PGM5: variants seen among roughly 807,000 people sequenced by gnomAD.
PGM5 encodes the protein phosphoglucomutase 5.
PGM5 carries 23 observed loss-of-function variants against 59.2 expected under a neutral mutation model. The ratio of observed to expected loss-of-function variants is 0.39; its 90% CI spans 0.28 to 0.55. The LOEUF (loss-of-function observed/expected upper bound fraction) is 0.55, where lower values mean the gene tolerates loss of function less well. PGM5 is among the 20% of genes least tolerant of loss of function. The pLI, the probability that PGM5 is intolerant of heterozygous loss-of-function variation, is 0.66. For missense variants in PGM5, 574 were observed against 748.3 expected (o/e 0.77, Z 2.72); for synonymous variants, 214 against 286.0 (o/e 0.75, Z 2.54).
chr9:68,525,770 G>A (rs1367903457), intron 10 of PGM5, among the ~76,000 whole-genome samples: 1 of 152,108 alleles, frequency 6.6e-6, no homozygotes, highest in Non-Finnish European at 1.5e-5. Flanking sequence ...TTAAAAATGG[G>A]AGCTTGCCGG....
intron 6 of PGM5, chr9:68,398,935 G>A (rs539895842): frequency 3.2e-4 from 49 of 152,206 alleles, no homozygotes; most frequent in African/African-American, 1.1e-3. Flanking sequence ...CTTTAAAAAT[G>A]ATAATGCATT....
intron 6 of PGM5, among the ~76,000 whole-genome samples, chr9:68,401,633 T>G (rs2132027213): frequency 6.6e-6 from 1 of 151,706 alleles, no homozygotes; most frequent in Middle Eastern, 3.4e-3. Context: ...CCACCCAGTC[T>G]CGAACATGTG....
intron 10 of PGM5, among the ~76,000 whole-genome samples, chr9:68,499,779 G>A (rs1554688485): frequency 6.6e-6 from 1 of 152,104 alleles, no homozygotes; most frequent in African/African-American, 2.4e-5. Context: ...AATACAGATG[G>A]GCTTTGTCTC....
At chr9:68,477,391 C>T (rs889367605) in intron 7 of PGM5, among the ~76,000 whole-genome samples, 2 of 152,172 alleles carry the variant, frequency 1.3e-5, no homozygotes, top group African/African-American at 4.8e-5. Context: ...TGGTCTGTAG[C>T]TTTAGTTAGA....
At chr9:68,407,192 A>G (rs1371868800) in intron 6 of PGM5, among the ~76,000 whole-genome samples, 1 of 152,174 alleles carries the variant, frequency 6.6e-6, no homozygotes, top group Non-Finnish European at 1.5e-5. Context: ...GGGCAGTGGC[A>G]CAATCACAGC....
chr9:68,421,054 T>G (rs1823120550), intron 6 of PGM5, among the ~76,000 whole-genome samples: 1 of 152,250 alleles, frequency 6.6e-6, no homozygotes, highest in Admixed American at 6.5e-5. Context: ...GAATAATGTG[T>G]GATGAGTATA....
intron 10 of PGM5, among the ~76,000 whole-genome samples, chr9:68,507,870 T>G (rs1824683250): frequency 6.6e-6 from 1 of 152,194 alleles, no homozygotes. Context: ...CATATTGTTT[T>G]CCCTGGAGCT....
At chr9:68,365,993 AC>A (rs1265131496) in intron 1 of PGM5, among the ~76,000 whole-genome samples, 1 of 152,194 alleles carries the variant, frequency 6.6e-6, no homozygotes, top group Non-Finnish European at 1.5e-5. Flanking sequence ...CTTATTAATA[AC>A]CAGAGAAATA....
At chr9:68,461,782 T>C (rs1214006314) in intron 6 of PGM5, among the ~76,000 whole-genome samples, 2 of 151,574 alleles carry the variant, frequency 1.3e-5, no homozygotes, top group Non-Finnish European at 2.9e-5. Context: ...AGCTATCCCA[T>C]TATAAGAGCA....
intron 10 of PGM5, among the ~76,000 whole-genome samples, chr9:68,513,809 C>T (rs1824786801): frequency 6.6e-6 from 1 of 152,178 alleles, no homozygotes; most frequent in African/African-American, 2.4e-5. Context: ...TGATGATATA[C>T]TGAGATTTCC....
chr9:68,515,402 A>G (rs1824810076), intron 10 of PGM5, among the ~76,000 whole-genome samples: 2 of 152,166 alleles, frequency 1.3e-5, no homozygotes, highest in Non-Finnish European at 2.9e-5. Flanking sequence ...GTTCTCTTCT[A>G]GTTTGCTTCT....
In PGM5 at chr9:68,483,967, G is replaced by A. The variant is rs782384644; in HGVS notation, c.1398G>A (p.Val466=). Residue 466 remains valine (V), a synonymous_variant, in exon 9 of 11, where the codon GTG becomes GTA. Transcript: ENST00000396396. The part of the protein sequence containing the change: ...DKSFIGQQFA[V]GSHVYSVAKT... ...CCTTCATTGGCCAGCAGTTTGCTGT[G>A]GGGAGCCATGTCTACAGCGTGGCGA... 33 of 1,614,060 alleles carry A rather than the reference G, an allele frequency of 2.0e-5. No homozygotes were observed. The South Asian group carries it at 2.7e-4, about 13-fold the overall frequency.
chr9:68,506,147 C>T (rs571274053), intron 10 of PGM5, among the ~76,000 whole-genome samples: 1 of 152,332 alleles, frequency 6.6e-6, no homozygotes, highest in African/African-American at 2.4e-5. Context: ...AAAGGTTTTT[C>T]CATACATAGT....
At chr9:68,400,121 C>T (rs1822628266) in intron 6 of PGM5, among the ~76,000 whole-genome samples, 1 of 152,018 alleles carries the variant, frequency 6.6e-6, no homozygotes, top group South Asian at 2.1e-4. Context: ...ACTTCCTCTT[C>T]TTCATTTCCT....
chr9:68,401,311 A>G (rs1377555700), intron 6 of PGM5, among the ~76,000 whole-genome samples: 1 of 150,886 alleles, frequency 6.6e-6, no homozygotes, highest in East Asian at 2.0e-4. Context: ...GCTAAAATAT[A>G]TAGTCGTCAT....
intron 2 of PGM5, 67 bp from the exon 3 acceptor site, chr9:68,384,331 G>A: frequency 9.4e-7 from 1 of 1,060,456 alleles, no homozygotes. Flanking sequence ...GAGGAGGATG[G>A]TAACATTTCA....
At chr9:68,476,460 A>G (rs957598943) in intron 7 of PGM5, among the ~76,000 whole-genome samples, 11 of 152,324 alleles carry the variant, frequency 7.2e-5, no homozygotes, top group Admixed American at 2.0e-4. Context: ...GGGTTTTAGA[A>G]AACCATTTGA....
chr9:68,406,659 G>T (rs1822816058), intron 6 of PGM5, among the ~76,000 whole-genome samples: 1 of 61,548 alleles, frequency 1.6e-5, no homozygotes, highest in Non-Finnish European at 2.9e-5. Context: ...GATTAAATTA[G>T]GTATATATAT....
chr9:68,444,327 A>G (rs782715325), intron 6 of PGM5, among the ~76,000 whole-genome samples: 7 of 152,102 alleles, frequency 4.6e-5, no homozygotes, highest in Non-Finnish European at 7.4e-5. Flanking sequence ...TTTCCATAGG[A>G]TTCAGTCAAA....
Sources: allele counts gnomAD v4.1 joint callset (sites outside exome capture counted in the v4.1 genomes callset), GRCh38; gene constraint gnomAD v4.1.1; transcripts MANE v1.5; gene names NCBI Gene and HGNC (gene_info 2026-07-23, HGNC 2026-07-21).